The following FBXL2 variants were observed in gnomAD, a reference collection of about 807,000 sequenced individuals.
FBXL2 encodes the protein F-box/LRR-repeat protein 2.
FBXL2 carries 38 observed loss-of-function variants against 69.2 expected under a neutral mutation model. That is an observed-to-expected ratio of 0.55 (90% CI 0.42 to 0.72). The LOEUF (loss-of-function observed/expected upper bound fraction) is 0.72. Ranked by LOEUF, FBXL2 falls within the 30% of genes least tolerant of loss-of-function variation. The probability of loss-of-function intolerance (pLI) is 0.00; values close to 1 mark genes in which losing one functional copy is unlikely to be tolerated. For synonymous variants in FBXL2, 192 were observed against 201.3 expected, an observed-to-expected ratio of 0.95 and a Z score of 0.39; for missense variants, 354 against 520.3, an observed-to-expected ratio of 0.68 and a Z score of 3.11.
chr3:33,386,367 A>AT lies in FBXL2; in HGVS notation c.*761dup. 1 of 152,428 alleles carries AT rather than the reference A, an allele frequency of 6.6e-6. No individual in the cohort carries two copies. Among genetic ancestry groups the AT allele is most frequent in the South Asian group, 2.1e-4 (1 of 4,832 alleles). The allele number at this position is 152,428 out of a possible 1,614,324, so 9.4% of individuals were successfully genotyped here. A position where few individuals can be genotyped will look rare whatever the true frequency, so the allele number is the denominator to read the frequency against. On this transcript the variant is annotated 3_prime_UTR_variant, in exon 15 of 15. Coordinates refer to ENST00000484457, the MANE Select transcript of FBXL2 (RefSeq NM_012157.5). ...CATTTTTACTAAAGGAAAAAAGCTA[A>AT]TTATGTCCATGCCTCTCGTAAAACT...
intron 2 of FBXL2, among the ~76,000 whole-genome samples, chr3:33,317,042 C>T (rs72863717): frequency 0.066 from 10,070 of 152,092 alleles, 1,112 homozygotes; most frequent in African/African-American, 0.23. Flanking sequence ...GATATGACTA[C>T]AGGTGCATGC....
chr3:33,314,509 G>T (rs921960523), intron 2 of FBXL2, among the ~76,000 whole-genome samples: 2 of 152,306 alleles, frequency 1.3e-5, no homozygotes, highest in Non-Finnish European at 1.5e-5. Context: ...ATTATGGCTA[G>T]AGAATATTCT....
intron 2 of FBXL2, among the ~76,000 whole-genome samples, chr3:33,307,843 C>T (rs955402252): frequency 1.8e-4 from 28 of 152,104 alleles, no homozygotes; most frequent in African/African-American, 6.5e-4. Context: ...AAAATAAAAA[C>T]TAGTTGGTTT....
In FBXL2 at chr3:33,299,843, G is replaced by T. The variant is rs2036106780; in HGVS notation, c.65+2118G>T. Among the ~76,000 whole-genome samples, 3 of 152,290 alleles carry T rather than the reference G, an allele frequency of 2.0e-5. No individual in the cohort carries two copies. The Middle Eastern group carries it at 0.01, about 518-fold the overall frequency. On this transcript the variant is annotated intron_variant, in intron 2 of 14. Coordinates refer to ENST00000484457, the MANE Select transcript of FBXL2 (RefSeq NM_012157.5). ...AAGGTAAGAAAGTGGTGACAAGAAA[G>T]AAATGTATGTTTGCCATATAAACCC...
At chr3:33,390,815 C>A (rs4678951), downstream of FBXL2, 79,470 of 157,036 alleles carry the variant, frequency 0.51, 20,791 homozygotes, top group Admixed American at 0.61. Context: ...CATTTTAAAA[C>A]TGTATCATTC....
chr3:33,404,858 C>T (rs1045125841), downstream of FBXL2, among the ~76,000 whole-genome samples: 3 of 151,668 alleles, frequency 2.0e-5, no homozygotes, highest in African/African-American at 7.3e-5. Context: ...ATGACACTAC[C>T]GAAAGAAAAA....
At chr3:33,412,850 G>A in the FBXL2 span, 307,406 of 1,536,218 alleles carry the variant, frequency 0.2, 36,235 homozygotes, top group East Asian at 0.45. Context: ...TGCGGAAAAT[G>A]AGTACTTTTA....
intron 12 of FBXL2, among the ~76,000 whole-genome samples, chr3:33,399,406 G>GA (rs1015870999): frequency 3.4e-3 from 511 of 151,636 alleles, no homozygotes; most frequent in African/African-American, 0.011. Flanking sequence ...TACTGTGCAA[G>GA]AAAAAAAACT....
At chr3:33,355,304 G>A (rs1559594478) in intron 2 of FBXL2, among the ~76,000 whole-genome samples, 1 of 151,974 alleles carries the variant, frequency 6.6e-6, no homozygotes, top group African/African-American at 2.4e-5. Flanking sequence ...GTATCTATCT[G>A]GAAAACTACA....
At chr3:33,414,138 T>G in the FBXL2 span, 1 of 152,006 alleles carries the variant, frequency 6.6e-6, no homozygotes, top group Non-Finnish European at 1.5e-5. Flanking sequence ...ACAAGATATA[T>G]AAGAAAAATT....
intron 2 of FBXL2, among the ~76,000 whole-genome samples, chr3:33,318,735 A>G (rs1282905149): frequency 8.0e-6 from 1 of 125,716 alleles, no homozygotes. Flanking sequence ...AACATAACTG[A>G]TGTTTTTTAA....
intron 1 of FBXL2, among the ~76,000 whole-genome samples, chr3:33,294,143 C>T (rs2035520056): frequency 6.6e-6 from 1 of 152,142 alleles, no homozygotes; most frequent in Admixed American, 6.5e-5. Flanking sequence ...GTTGCCTAGG[C>T]TGGAGTGCAG....
chr3:33,419,664 T>C, the FBXL2 span, among the ~76,000 whole-genome samples: 1 of 150,320 alleles, frequency 6.7e-6, no homozygotes, highest in Non-Finnish European at 1.5e-5. Context: ...AAGAAAAGAC[T>C]CTATAACACT....
intron 2 of FBXL2, among the ~76,000 whole-genome samples, chr3:33,316,767 C>T (rs2037735834): frequency 6.6e-6 from 1 of 152,078 alleles, no homozygotes; most frequent in African/African-American, 2.4e-5. Flanking sequence ...CAGTCAAATG[C>T]ATTACTTATT....
chr3:33,372,717 C>T (rs1022471245), intron 5 of FBXL2: 2 of 330,508 alleles, frequency 6.1e-6, no homozygotes, highest in Admixed American at 9.0e-5. Flanking sequence ...AAGATTTGCC[C>T]CCTTGGTTCA....
intron 1 of FBXL2, among the ~76,000 whole-genome samples, chr3:33,280,507 A>T (rs1347858238): frequency 6.6e-6 from 1 of 152,120 alleles, no homozygotes; most frequent in Non-Finnish European, 1.5e-5. Context: ...CCCGGAGTTC[A>T]AGACCAGTCT....
chr3:33,277,594 GGTCGGGCA>G (rs2033420752), intron 1 of FBXL2, 79 bp downstream of exon 1: 1 of 1,233,910 alleles, frequency 8.1e-7, no homozygotes, highest in Admixed American at 4.2e-5. Context: ...CGCCCGCTAG[GGTCGGGCA>G]GGCGGCGCAG....
chr3:33,386,499 T>A lies in FBXL2; in HGVS notation c.*891T>A, dbSNP rs1452389352. On this transcript the variant is annotated 3_prime_UTR_variant, in exon 15 of 15. Coordinates refer to ENST00000484457, the MANE Select transcript of FBXL2 (RefSeq NM_012157.5). ...AAATGGATGTGATTTTTTTTCAAGC[T>A]TATTTTGAAATCTTAAAAATCAGGT... 1.3e-5 allele frequency: 2 copies of A among 151,572 alleles called. No individual in the cohort carries two copies. Among genetic ancestry groups the A allele is most frequent in the Admixed American group, 6.6e-5 (1 of 15,220 alleles). The allele number at this position is 151,572 out of a possible 1,614,324, so 9.4% of individuals were successfully genotyped here.
At chr3:33,352,930 A>G (rs2040929236) in intron 2 of FBXL2, among the ~76,000 whole-genome samples, 1 of 152,088 alleles carries the variant, frequency 6.6e-6, no homozygotes, top group South Asian at 2.1e-4. Flanking sequence ...AAAACAAAAA[A>G]ACCCATCTCA....
Sources: allele counts gnomAD v4.1 joint callset (sites outside exome capture counted in the v4.1 genomes callset), GRCh38; gene constraint gnomAD v4.1.1; transcripts MANE v1.5; gene names NCBI Gene and HGNC (gene_info 2026-07-23, HGNC 2026-07-21).